The following PTPRD variants were observed in gnomAD, a reference collection of about 807,000 sequenced individuals.
The protein encoded by PTPRD is protein tyrosine phosphatase receptor type D, also known as receptor-type tyrosine-protein phosphatase delta.
PTPRD carries 34 observed loss-of-function variants against 214.5 expected under a neutral mutation model. The observed-to-expected ratio is 0.16, with a 90% CI of 0.12 to 0.21. PTPRD has a LOEUF of 0.21. PTPRD is among the 10% of genes least tolerant of loss of function. The pLI is 1.00. For missense variants in PTPRD, 2,545 were observed against 2,398.7 expected (o/e 1.06, Z -1.27); for synonymous variants, 1,128 against 845.7 (o/e 1.33, Z -5.79).
chr9:9,332,108 A>G (rs1011254003), intron 9 of PTPRD, among the ~76,000 whole-genome samples: 5 of 152,060 alleles, frequency 3.3e-5, no homozygotes, highest in African/African-American at 1.2e-4. Context: ...AATGACAGAG[A>G]GCAATACACA....
intron 11 of PTPRD, among the ~76,000 whole-genome samples, chr9:8,950,055 C>T (rs2099093123): frequency 6.6e-6 from 1 of 152,068 alleles, no homozygotes; most frequent in African/African-American, 2.4e-5. Flanking sequence ...TGCAATTCTA[C>T]AAAATAGGTA....
At chr9:8,964,488 T>C (rs1427172866) in intron 11 of PTPRD, among the ~76,000 whole-genome samples, 1 of 152,034 alleles carries the variant, frequency 6.6e-6, no homozygotes, top group African/African-American at 2.4e-5. Context: ...TGATCCTGTT[T>C]ATCCTTTTAA....
At chr9:10,037,569 T>G (rs1397752192) in intron 3 of PTPRD, among the ~76,000 whole-genome samples, 1 of 140,340 alleles carries the variant, frequency 7.1e-6, no homozygotes, top group Non-Finnish European at 1.5e-5. Flanking sequence ...GAGTATTTCT[T>G]TATAGCAGTG....
intron 3 of PTPRD, among the ~76,000 whole-genome samples, chr9:10,118,196 T>TTATCTATCTATCTATC (rs56038500): frequency 3.7e-4 from 55 of 148,932 alleles, no homozygotes; most frequent in South Asian, 6.4e-4. Context: ...CTCACATTTA[T>TTATCTATCTATCTATC]TATCTATCTA....
rs752019967 is a variant in PTPRD, at chr9:9,965,136, C to G, written c.-471-26526G>C. On this transcript the variant is annotated intron_variant, in intron 4 of 45. Transcript: ENST00000381196. ...GTCCAAATTAGCAAATTTTTCATAACGTGGATAGATTCAAACTGCCCTTAA... is the reference window on the plus strand; with the variant it reads ...GTCCAAATTAGCAAATTTTTCATAAGGTGGATAGATTCAAACTGCCCTTAA... Among the ~76,000 whole-genome samples, 2 of 152,010 alleles carry G rather than the reference C, an allele frequency of 1.3e-5. 1 individual carries two copies. Among genetic ancestry groups the G allele is most frequent in the Admixed American group, 1.3e-4 (2 of 15,264 alleles).
chr9:9,462,774 A>C (rs970981144), intron 8 of PTPRD, among the ~76,000 whole-genome samples: 1 of 152,166 alleles, frequency 6.6e-6, no homozygotes, highest in Non-Finnish European at 1.5e-5. Flanking sequence ...ATAGCAGGTG[A>C]CATGGCAGAT....
intron 8 of PTPRD, among the ~76,000 whole-genome samples, chr9:9,511,312 GC>G (rs1371350352): frequency 1.3e-5 from 2 of 151,706 alleles, no homozygotes; most frequent in Non-Finnish European, 3.0e-5. Flanking sequence ...GCAATGCAAA[GC>G]TTTTGGTATG....
At chr9:9,999,952 C>G (rs568580022) in intron 4 of PTPRD, among the ~76,000 whole-genome samples, 1 of 152,000 alleles carries the variant, frequency 6.6e-6, no homozygotes, top group Non-Finnish European at 1.5e-5. Context: ...ATGTTTAGGA[C>G]AAGTCAGAAA....
chr9:9,244,899 C>G (rs76652726), intron 9 of PTPRD, among the ~76,000 whole-genome samples: 1 of 151,808 alleles, frequency 6.6e-6, no homozygotes, highest in Admixed American at 6.6e-5. Flanking sequence ...TGACAAAGGG[C>G]TAATATCCAG....
chr9:10,316,196 GAC>G (rs201458645), intron 3 of PTPRD, among the ~76,000 whole-genome samples: 11,926 of 139,774 alleles, frequency 0.085, 596 homozygotes, highest in Non-Finnish European at 0.11. Context: ...CATATATATA[GAC>G]ACACACACAT....
At chr9:9,358,047 GA>G (rs965903520) in intron 9 of PTPRD, among the ~76,000 whole-genome samples, 50 of 151,284 alleles carry the variant, frequency 3.3e-4, no homozygotes, top group African/African-American at 1.1e-3. Flanking sequence ...TTTTCTATAA[GA>G]TTTTTTTTGT....
chr9:9,610,419 T>A (rs1242858359), intron 7 of PTPRD, among the ~76,000 whole-genome samples: 1 of 152,212 alleles, frequency 6.6e-6, no homozygotes, highest in Admixed American at 6.5e-5. Flanking sequence ...TATCAACGGA[T>A]TGATAATCAC....
chr9:8,595,604 T>C (rs2094436821), intron 14 of PTPRD, among the ~76,000 whole-genome samples: 1 of 152,204 alleles, frequency 6.6e-6, no homozygotes, highest in Admixed American at 6.5e-5. Context: ...TTTAAGAGCA[T>C]CAAGATAAAC....
intron 7 of PTPRD, among the ~76,000 whole-genome samples, chr9:9,641,021 G>C (rs1159341708): frequency 9.2e-6 from 1 of 108,486 alleles, no homozygotes; most frequent in Admixed American, 9.6e-5. Flanking sequence ...GGCAATGCTG[G>C]ATCAGCAGAA....
At chr9:9,854,665 T>A (rs988686167) in intron 5 of PTPRD, among the ~76,000 whole-genome samples, 1 of 152,204 alleles carries the variant, frequency 6.6e-6, no homozygotes, top group Non-Finnish European at 1.5e-5. Context: ...TGTTTTTGAT[T>A]ACTTATCTAA....
intron 9 of PTPRD, among the ~76,000 whole-genome samples, chr9:9,208,232 T>C (rs919498649): frequency 6.6e-6 from 1 of 151,688 alleles, no homozygotes; most frequent in Admixed American, 6.6e-5. Context: ...GCCAGGATGG[T>C]CTCGATCTCC....
chr9:8,632,463 A>G (rs185527005), intron 14 of PTPRD, among the ~76,000 whole-genome samples: 2 of 152,066 alleles, frequency 1.3e-5, no homozygotes, highest in East Asian at 3.9e-4. Flanking sequence ...ATTTTGGAAC[A>G]GAGGAAAATA....
intron 14 of PTPRD, among the ~76,000 whole-genome samples, chr9:8,539,595 A>G (rs938767667): frequency 1.3e-5 from 2 of 152,022 alleles, no homozygotes; most frequent in Non-Finnish European, 2.9e-5. Context: ...ATCAAAGTTA[A>G]TAACACCAGT....
intron 12 of PTPRD, among the ~76,000 whole-genome samples, chr9:8,641,261 C>T (rs1313758568): frequency 6.8e-6 from 1 of 148,024 alleles, no homozygotes; most frequent in Non-Finnish European, 1.5e-5. Flanking sequence ...TGAAAATCTC[C>T]GTTTTTATCC....
Sources: allele counts gnomAD v4.1 joint callset (sites outside exome capture counted in the v4.1 genomes callset), GRCh38; gene constraint gnomAD v4.1.1; transcripts MANE v1.5; gene names NCBI Gene and HGNC (gene_info 2026-07-23, HGNC 2026-07-21).